The following HELB variants were observed in gnomAD, a reference collection of about 807,000 sequenced individuals.
HELB encodes the protein DNA helicase B.
Under a neutral mutation model 101.7 loss-of-function variants are expected in HELB, and 96 were observed. The ratio of observed to expected loss-of-function variants is 0.94; its 90% confidence interval spans 0.80 to 1.12. HELB has a LOEUF of 1.12. HELB is among the 50% of genes most tolerant of loss of function. HELB has a pLI of 0.00. For missense variants in HELB, 1,210 were observed against 1,291.9 expected (o/e 0.94, Z 0.97); for synonymous variants, 437 against 459.7 (o/e 0.95, Z 0.63).
chr12:66,325,021 G>T lies in HELB; in HGVS notation c.2565G>T (p.Leu855Phe). The T allele has an allele frequency of 6.2e-7, 1 of 1,612,676 alleles. No homozygotes were observed. Among genetic ancestry groups the T allele is most frequent in the South Asian group, 1.1e-5 (1 of 90,992 alleles). ...TAACTTTTGGAAAGAGAAGATCTTT[G>T]ACCATTAATAATATGGCTGGCCTGG... The part of the protein sequence containing the change: ...TDVTFGKRRS[L>F]TINNMAGLEV... The change falls in exon 11 of 13, where the codon TTG (leucine) becomes TTT (phenylalanine). Residue 855 changes from leucine (L) to phenylalanine (F), a missense_variant. By Grantham distance (22) the Leu-to-Phe change is conservative (BLOSUM62 0). Around this residue, in one of 2 missense-constraint regions of HELB, gnomAD observed 740 missense variants for 728.8 expected, o/e 1.02. Coordinates refer to ENST00000247815, the MANE Select transcript of HELB (RefSeq NM_001370285.1).
At chr12:66,335,874 CTCT>C (rs1343043847) in intron 12 of HELB, among the ~76,000 whole-genome samples, 2 of 152,208 alleles carry the variant, frequency 1.3e-5, no homozygotes, top group African/African-American at 4.8e-5. Context: ...CATCCTCTCT[CTCT>C]TCTTATTATA....
downstream of HELB, chr12:66,340,127 A>C (rs150372935): frequency 1.3e-5 from 2 of 152,318 alleles, no homozygotes; most frequent in East Asian, 3.9e-4. Context: ...TCTTTTGGGT[A>C]TATAACTAGG....
chr12:66,313,956 G>T, intron 4 of HELB, 30 bp from the exon 5 acceptor site: 2 of 1,605,160 alleles, frequency 1.2e-6, no homozygotes, highest in South Asian at 2.2e-5. Flanking sequence ...TTTATAACCT[G>T]ACTTTAGGAA....
Position 66,309,963 on chromosome 12 carries a change from A to T in HELB, c.1035A>T (p.Thr345=), listed in dbSNP as rs531241365. 1 of 1,614,244 alleles carries T rather than the reference A, an allele frequency of 6.2e-7. No homozygotes were observed. Among genetic ancestry groups the T allele is most frequent in the South Asian group, 1.1e-5 (1 of 91,090 alleles). ...LKFLKDIGVV[T]YEKSCVFPYD... is the part of the protein sequence containing the mutation. ...TTTTGAAGGATATTGGTGTGGTGAC[A>T]TATGAGAAGTCCTGTGTCTTCCCTT... The change falls in exon 4 of 13, where the codon ACA becomes ACT. Residue 345 remains threonine, a synonymous_variant. Coordinates refer to ENST00000247815, the MANE Select transcript of HELB (RefSeq NM_001370285.1).
chr12:66,316,996 G>C (rs1326005736), intron 6 of HELB, among the ~76,000 whole-genome samples: 1 of 147,596 alleles, frequency 6.8e-6, no homozygotes, highest in Non-Finnish European at 1.5e-5. Context: ...TCCAGCCTGG[G>C]TGATACAGCA....
At chr12:66,321,131 A>T (rs1195367762) in intron 7 of HELB, among the ~76,000 whole-genome samples, 1 of 152,184 alleles carries the variant, frequency 6.6e-6, no homozygotes, top group Non-Finnish European at 1.5e-5. Context: ...ATCACAAGGC[A>T]TGGGCTTTTT....
intron 4 of HELB, among the ~76,000 whole-genome samples, chr12:66,310,874 T>C (rs147532405): frequency 1.3e-5 from 2 of 152,216 alleles, no homozygotes; most frequent in Admixed American, 1.3e-4. Flanking sequence ...GAGGTTGCAG[T>C]AACTGAGGCT....
intron 5 of HELB, among the ~76,000 whole-genome samples, chr12:66,314,504 A>G (rs2053579519): frequency 6.6e-6 from 1 of 152,154 alleles, no homozygotes; most frequent in African/African-American, 2.4e-5. Context: ...ATTATAGGCC[A>G]CTTAAAAGTA....
chr12:66,311,778 T>C (rs2053547947), intron 4 of HELB, among the ~76,000 whole-genome samples: 1 of 151,928 alleles, frequency 6.6e-6, no homozygotes, highest in African/African-American at 2.4e-5. Flanking sequence ...TTAAGAATCA[T>C]GGAGTTTAAG....
chr12:66,322,839 T>A, intron 9 of HELB, 56 bp downstream of exon 9: 1 of 654,542 alleles, frequency 1.5e-6, no homozygotes, highest in Non-Finnish European at 2.2e-6. Flanking sequence ...GATTTGCTGG[T>A]TTTTTTTTTT....
In HELB at chr12:66,302,575, G is replaced by T. The variant is rs2053415551; in HGVS notation, c.-29G>T. The stretch of plus-strand genomic sequence containing the variant: ...CCATGCAGTTAGCCAGGGTTTTCCC[G>T]AGTTGTTTGGGTTGAGTTCAGGAGA... On this transcript the variant is annotated 5_prime_UTR_variant, in exon 1 of 13. Transcript: ENST00000247815. 1.9e-6 allele frequency: 3 copies of T among 1,601,856 alleles called. No individual in the cohort carries two copies. Among genetic ancestry groups the T allele is most frequent in the East Asian group, 2.2e-5 (1 of 44,622 alleles).
At chr12:66,327,098 A>T (rs1233026375) in intron 11 of HELB, among the ~76,000 whole-genome samples, 1 of 141,864 alleles carries the variant, frequency 7.0e-6, no homozygotes, top group African/African-American at 2.6e-5. Context: ...TATAGAAAGG[A>T]TGTCAAGTGA....
chr12:66,316,905 G>C lies in HELB; in HGVS notation c.2000+1522G>C, dbSNP rs531183665. Among the ~76,000 whole-genome samples, 7 of 151,770 alleles carry C rather than the reference G, an allele frequency of 4.6e-5. No individual in the cohort carries two copies. In the South Asian group the frequency reaches 1.5e-3, roughly 32 times the overall value. ...TTGGTGGCGGGCGCCTGTAGTCCCA[G>C]CTACTCGGGAGGCTGAGGCAGGAGA... On this transcript the variant is annotated intron_variant, in intron 6 of 12. Coordinates refer to ENST00000247815, the MANE Select transcript of HELB (RefSeq NM_001370285.1).
intron 1 of HELB, 102 bp from the exon 2 acceptor site, chr12:66,304,629 G>C (rs1372353384): frequency 1.9e-5 from 20 of 1,040,486 alleles, no homozygotes; most frequent in Non-Finnish European, 2.8e-5. Flanking sequence ...GAGTGCTGTA[G>C]GGAGATTAAA....
intron 11 of HELB, 25 bp from the exon 12 acceptor site, chr12:66,331,129 C>G (rs1271995230): frequency 7.6e-6 from 12 of 1,574,602 alleles, no homozygotes; most frequent in Non-Finnish European, 1.0e-5. Flanking sequence ...AGCATTTAGT[C>G]TTCACACCAT....
At chr12:66,318,814 A>T in intron 7 of HELB, 22 bp downstream of exon 7, 3 of 1,556,576 alleles carry the variant, frequency 1.9e-6, no homozygotes, top group Non-Finnish European at 2.6e-6. Context: ...CTTCTATGAG[A>T]TGTAGAGTTA....
In HELB at chr12:66,310,150, G is replaced by C. The variant is rs1206510365; in HGVS notation, c.1222G>C (p.Asp408His). 9.9e-6 allele frequency: 16 copies of C among 1,614,226 alleles called. No homozygotes were observed. Among genetic ancestry groups the C allele is most frequent in the Non-Finnish European group, 1.4e-5 (16 of 1,180,030 alleles). The change falls in exon 4 of 13, where the codon GAT becomes CAT. Residue 408 changes from aspartate to histidine, a missense_variant. By Grantham distance (81) the Asp-to-His change is moderately conservative. This residue lies in a region of HELB where 470 missense variants were observed against 563.1 expected (regional missense o/e 0.83). Transcript: ENST00000247815. ...SDDALNESKP[D>H]EVRLENPVDV... ...TGATGCATTGAATGAGAGCAAACCTGATGAAGTAAGATTAGAAAATCCTGT... is the reference window on the plus strand; with the variant it reads ...TGATGCATTGAATGAGAGCAAACCTCATGAAGTAAGATTAGAAAATCCTGT...
rs755181246 is a variant in HELB at position 66,324,173 on chromosome 12, G to A, written c.2488G>A (p.Val830Ile). ...AKNKRDFESNVRLCNGEIFFI... is the reference protein window; with the variant it reads ...AKNKRDFESNIRLCNGEIFFI... ...AAATAAGCGTGACTTTGAAAGTAAC[G>A]TTCGACTGTGCAATGGAGAGATATT... Residue 830 changes from valine to isoleucine, a missense_variant, in exon 10 of 13, where the codon GTT (valine) becomes ATT (isoleucine). Transcript: ENST00000247815. The A allele has an allele frequency of 4.2e-5, 68 of 1,613,508 alleles. No homozygotes were observed. The highest frequency in any genetic ancestry group is 1.8e-4 in the Admixed American group (11 of 60,024).
intron 2 of HELB, 47 bp from the exon 3 acceptor site, chr12:66,306,298 T>C (rs1181939729): frequency 5.7e-6 from 8 of 1,391,948 alleles, no homozygotes; most frequent in Non-Finnish European, 7.7e-6. Flanking sequence ...TCAGTCATTC[T>C]TTGGGTTCAT....
Sources: allele counts gnomAD v4.1 joint callset (sites outside exome capture counted in the v4.1 genomes callset), GRCh38; gene constraint gnomAD v4.1.1; regional missense constraint gnomAD v4.1.1; transcripts MANE v1.5; gene names NCBI Gene and HGNC (gene_info 2026-07-23, HGNC 2026-07-21).